Variants in ZC3H12B observed in about 807,000 individuals in gnomAD.
ZC3H12B encodes the protein probable ribonuclease ZC3H12B.
A neutral mutation model predicts 43.9 loss-of-function variants in ZC3H12B; 7 were observed. That is an observed-to-expected ratio of 0.16 (90% confidence interval 0.09 to 0.30). ZC3H12B has a LOEUF of 0.30. Ranked by LOEUF, ZC3H12B falls within the 10% of genes least tolerant of loss-of-function variation. The pLI, the probability that ZC3H12B is intolerant of heterozygous loss-of-function variation, is 1.00. For synonymous variants in ZC3H12B, 222 were observed against 241.7 expected, an observed-to-expected ratio of 0.92 and a Z score of 0.76; for missense variants, 475 against 670.2, an observed-to-expected ratio of 0.71 and a Z score of 3.22.
At chrX:65,417,755 C>T (rs765364879) in intron 3 of ZC3H12B, among the ~76,000 whole-genome samples, 5 of 112,899 alleles carry the variant, frequency 4.4e-5, no homozygotes, top group Non-Finnish European at 7.5e-5. Context: ...CCCTTTGTTC[C>T]CTCTGAATGA....
the ZC3H12B span, among the ~76,000 whole-genome samples, chrX:65,319,946 G>T: frequency 9.0e-6 from 1 of 111,427 alleles, no homozygotes; most frequent in Non-Finnish European, 1.9e-5. Flanking sequence ...ACCATTTGTG[G>T]CAAACCCACA....
chrX:65,434,039 G>A (rs1168142825), intron 3 of ZC3H12B, among the ~76,000 whole-genome samples: 2 of 111,987 alleles, frequency 1.8e-5, no homozygotes, highest in African/African-American at 6.5e-5. Context: ...ACGCTATCCT[G>A]ATTCTTTTTC....
chrX:65,142,605 C>T, the ZC3H12B span, among the ~76,000 whole-genome samples: 22 of 112,392 alleles, frequency 2.0e-4, no homozygotes, highest in African/African-American at 5.2e-4. Flanking sequence ...TTTTCCAATG[C>T]TATCTTCCAG....
At chrX:65,202,573 A>T in the ZC3H12B span, among the ~76,000 whole-genome samples, 1 of 110,655 alleles carries the variant, frequency 9.0e-6, no homozygotes, top group African/African-American at 3.3e-5. Context: ...CCTTTCTTTA[A>T]AAACAAACAA....
intron 1 of ZC3H12B, 123 bp from the exon 7 acceptor site, chrX:65,497,009 G>A: frequency 4.0e-6 from 2 of 498,811 alleles, no homozygotes; most frequent in Non-Finnish European, 6.0e-6. Flanking sequence ...AAGAAAGAGA[G>A]AAAGAAAGAA....
At chrX:65,364,950 G>A (rs774969856), upstream of ZC3H12B, among the ~76,000 whole-genome samples, 1 of 111,385 alleles carries the variant, frequency 9.0e-6, no homozygotes, top group East Asian at 2.8e-4. Context: ...TTCACTTCAT[G>A]GGTAGAGGCC....
At chrX:65,427,697 A>G (rs1309659690) in intron 3 of ZC3H12B, among the ~76,000 whole-genome samples, 1 of 111,714 alleles carries the variant, frequency 9.0e-6, no homozygotes, top group Non-Finnish European at 1.9e-5. Context: ...CAGCATACTG[A>G]TGGGTCTTGG....
intron 3 of ZC3H12B, among the ~76,000 whole-genome samples, chrX:65,468,235 A>G (rs2067851477): frequency 1.8e-5 from 2 of 110,969 alleles, no homozygotes; most frequent in African/African-American, 6.5e-5. Context: ...TTATGTTTTC[A>G]TATGGTTTGT....
At chrX:65,290,534 A>G in the ZC3H12B span, among the ~76,000 whole-genome samples, 1 of 111,706 alleles carries the variant, frequency 9.0e-6, no homozygotes, top group Non-Finnish European at 1.9e-5. Flanking sequence ...AGATATCAAT[A>G]TATCAAAGGA....
the ZC3H12B span, among the ~76,000 whole-genome samples, chrX:65,060,346 C>G: frequency 8.9e-6 from 1 of 111,867 alleles, no homozygotes; most frequent in Non-Finnish European, 1.9e-5. Flanking sequence ...CTGTTTTTGC[C>G]TTTAATTATG....
At chrX:65,127,568 G>A in the ZC3H12B span, among the ~76,000 whole-genome samples, 1 of 111,062 alleles carries the variant, frequency 9.0e-6, no homozygotes, top group East Asian at 2.9e-4. Flanking sequence ...CAGGTGGTGG[G>A]TAGGGCCACA....
chrX:65,273,223 T>A, the ZC3H12B span, among the ~76,000 whole-genome samples: 1 of 112,219 alleles, frequency 8.9e-6, no homozygotes, highest in Middle Eastern at 4.2e-3. Context: ...AGTTCCAAAA[T>A]TTTAAAAGAA....
chrX:65,088,223 C>A, the ZC3H12B span, among the ~76,000 whole-genome samples: 4 of 111,547 alleles, frequency 3.6e-5, no homozygotes, highest in Non-Finnish European at 1.9e-5. Context: ...TAAAAATCAT[C>A]TATGATAGTA....
At chrX:65,304,539 C>T in the ZC3H12B span, among the ~76,000 whole-genome samples, 1 of 108,704 alleles carries the variant, frequency 9.2e-6, no homozygotes, top group Non-Finnish European at 1.9e-5. Context: ...TGGCGTGAAC[C>T]CGGGAGGCGG....
chrX:65,134,406 C>A, the ZC3H12B span, among the ~76,000 whole-genome samples: 15 of 111,692 alleles, frequency 1.3e-4, 1 homozygote, highest in African/African-American at 4.2e-4. Flanking sequence ...TAGTCCGTGA[C>A]CAGCACTGGA....
the ZC3H12B span, among the ~76,000 whole-genome samples, chrX:65,102,837 C>T: frequency 1.3e-4 from 15 of 111,257 alleles, no homozygotes; most frequent in African/African-American, 4.6e-4. Flanking sequence ...CGGCAGGTTC[C>T]GTGATGCCCC....
At chrX:65,459,999 C>A (rs2067711375) in intron 3 of ZC3H12B, among the ~76,000 whole-genome samples, 1 of 112,151 alleles carries the variant, frequency 8.9e-6, no homozygotes, top group South Asian at 3.7e-4. Context: ...TGATAAGCAA[C>A]TTCAGCAAAG....
chrX:65,315,787 C>A, the ZC3H12B span, among the ~76,000 whole-genome samples: 5 of 111,920 alleles, frequency 4.5e-5, no homozygotes, highest in South Asian at 1.5e-3. Flanking sequence ...AACAACCACA[C>A]CAGTTCTACA....
the ZC3H12B span, among the ~76,000 whole-genome samples, chrX:65,355,763 T>C: frequency 1.8e-5 from 2 of 111,239 alleles, no homozygotes; most frequent in African/African-American, 6.5e-5. Flanking sequence ...AAGACCAGCC[T>C]GGCCAACATG....
Sources: allele counts gnomAD v4.1 joint callset (sites outside exome capture counted in the v4.1 genomes callset), GRCh38; gene constraint gnomAD v4.1.1; transcripts MANE v1.5; gene names NCBI Gene and HGNC (gene_info 2026-07-23, HGNC 2026-07-21).